The following FCHSD2 variants were observed in gnomAD, a reference collection of about 807,000 sequenced individuals.
FCHSD2 encodes the protein F-BAR and double SH3 domains protein 2.
FCHSD2 carries 38 observed loss-of-function variants against 108.1 expected under a neutral mutation model. The ratio of observed to expected loss-of-function variants is 0.35; its 90% CI spans 0.27 to 0.46. FCHSD2 has a LOEUF of 0.46. FCHSD2 is among the 20% of genes least tolerant of loss of function. The pLI is 1.00. For missense variants in FCHSD2, 751 were observed against 897.8 expected, an observed-to-expected ratio of 0.84 and a Z score of 2.09; for synonymous variants, 279 against 314.7, an observed-to-expected ratio of 0.89 and a Z score of 1.20.
chr11:72,930,198 C>T (rs1032584206), intron 8 of FCHSD2, among the ~76,000 whole-genome samples: 3 of 152,092 alleles, frequency 2.0e-5, no homozygotes, highest in Admixed American at 6.6e-5. Flanking sequence ...TCTGCAAGCC[C>T]GCTGCTGAAA....
At chr11:73,006,057 G>C (rs200915587) in intron 4 of FCHSD2, among the ~76,000 whole-genome samples, 1 of 151,912 alleles carries the variant, frequency 6.6e-6, no homozygotes, top group East Asian at 1.9e-4. Context: ...ACAGGCATGA[G>C]CCACTGCATG....
intron 8 of FCHSD2, among the ~76,000 whole-genome samples, chr11:72,923,680 G>A (rs1026607615): frequency 3.9e-5 from 6 of 152,078 alleles, no homozygotes; most frequent in Non-Finnish European, 7.4e-5. Flanking sequence ...GGTGGGTCAC[G>A]CCTGTAATCC....
At chr11:72,940,594 C>G (rs1218298328) in intron 8 of FCHSD2, 1 of 1,429,290 alleles carries the variant, frequency 7.0e-7, no homozygotes, top group East Asian at 2.3e-5. Flanking sequence ...GTACTGCCAG[C>G]TCTCTGCTCT....
intron 3 of FCHSD2, among the ~76,000 whole-genome samples, chr11:73,078,621 TA>T (rs2135508601): frequency 6.7e-6 from 1 of 148,500 alleles, no homozygotes; most frequent in South Asian, 2.2e-4. Flanking sequence ...AATCCAAAAA[TA>T]ACAACTATTC....
At chr11:72,872,286 CTTTT>C (rs59486746) in intron 12 of FCHSD2, among the ~76,000 whole-genome samples, 50 of 132,176 alleles carry the variant, frequency 3.8e-4, no homozygotes, top group Admixed American at 6.1e-4. Flanking sequence ...TTTTTCTTTT[CTTTT>C]TTTTTTTTTT....
At chr11:72,918,100 C>G (rs997041061) in intron 9 of FCHSD2, among the ~76,000 whole-genome samples, 48 of 152,246 alleles carry the variant, frequency 3.2e-4, no homozygotes, top group East Asian at 1.9e-4. Flanking sequence ...TTTCAGTGTA[C>G]AGGCCTTTAA....
At position 72,869,902 on chromosome 11, in the gene FCHSD2, CCTGA is replaced by C. The variant is rs775429161; in HGVS notation, c.1147-1880_1147-1877del. Among the ~76,000 whole-genome samples the C allele has an allele frequency of 9.1e-4, 139 of 152,232 alleles. 1 individual carries two copies. The highest frequency in any genetic ancestry group is 1.4e-3 in the Non-Finnish European group (92 of 68,020). ...CCCCAGTTTAAAAACTTTCATAACT[CCTGA>C]CTGTCTACTGAGTAAAGAATTAACT... On this transcript the variant is annotated intron_variant, in intron 12 of 19. Coordinates refer to ENST00000409418, the MANE Select transcript of FCHSD2 (RefSeq NM_014824.3).
intron 10 of FCHSD2, among the ~76,000 whole-genome samples, chr11:72,897,748 A>G (rs1855452239): frequency 6.6e-6 from 1 of 152,116 alleles, no homozygotes; most frequent in African/African-American, 2.4e-5. Flanking sequence ...CAGCTGAATG[A>G]CTCTAACATT....
intron 5 of FCHSD2, among the ~76,000 whole-genome samples, chr11:72,990,096 G>A (rs1857383353): frequency 6.6e-6 from 1 of 152,118 alleles, no homozygotes; most frequent in Admixed American, 6.6e-5. Flanking sequence ...ATTCTGCATG[G>A]ACAGATAAAA....
At chr11:72,956,916 C>T (rs1247556688) in intron 8 of FCHSD2, among the ~76,000 whole-genome samples, 1 of 151,946 alleles carries the variant, frequency 6.6e-6, no homozygotes, top group African/African-American at 2.4e-5. Flanking sequence ...ACATCATGCA[C>T]TTCTTCATGT....
At chr11:72,979,020 G>A (rs1359330807) in intron 8 of FCHSD2, among the ~76,000 whole-genome samples, 1 of 151,898 alleles carries the variant, frequency 6.6e-6, no homozygotes, top group South Asian at 2.1e-4. Flanking sequence ...TCCACACACA[G>A]CTAATTTTTT....
intron 2 of FCHSD2, among the ~76,000 whole-genome samples, chr11:73,090,019 T>C (rs1859915361): frequency 6.6e-6 from 1 of 151,904 alleles, no homozygotes; most frequent in African/African-American, 2.4e-5. Flanking sequence ...AAGTTAGTAA[T>C]CAGGAATATA....
intron 2 of FCHSD2, among the ~76,000 whole-genome samples, chr11:73,128,944 T>C (rs1464711479): frequency 1.3e-5 from 2 of 152,202 alleles, no homozygotes; most frequent in Non-Finnish European, 2.9e-5. Context: ...TGATCTCAGC[T>C]CACTGCAACC....
chr11:72,979,179 T>C (rs1857167290), intron 8 of FCHSD2, among the ~76,000 whole-genome samples: 1 of 152,026 alleles, frequency 6.6e-6, no homozygotes, highest in Admixed American at 6.6e-5. Flanking sequence ...TTTAAAGCAG[T>C]GTGAAAACGA....
At chr11:72,864,527 T>C (rs1402469710) in intron 13 of FCHSD2, among the ~76,000 whole-genome samples, 1 of 152,160 alleles carries the variant, frequency 6.6e-6, no homozygotes, top group South Asian at 2.1e-4. Flanking sequence ...GCCTGGGCGA[T>C]AGAGGGAGAC....
intron 2 of FCHSD2, among the ~76,000 whole-genome samples, chr11:73,139,018 T>C (rs1258855020): frequency 6.6e-6 from 1 of 152,358 alleles, no homozygotes; most frequent in African/African-American, 2.4e-5. Flanking sequence ...AATCTTGATA[T>C]ATCCAGGTTG....
chr11:72,965,151 T>G (rs190328057), intron 8 of FCHSD2, among the ~76,000 whole-genome samples: 301 of 152,278 alleles, frequency 2.0e-3, no homozygotes, highest in Non-Finnish European at 1.6e-3. Context: ...GAACAATTCT[T>G]AACAGTGGAT....
intron 8 of FCHSD2, among the ~76,000 whole-genome samples, chr11:72,976,329 T>G (rs1857103573): frequency 6.6e-6 from 1 of 152,222 alleles, no homozygotes; most frequent in Non-Finnish European, 1.5e-5. Flanking sequence ...TCTCACTTTG[T>G]CACCCAGGCT....
chr11:72,845,343 T>TCAGGGAGGCAGAGGTTG (rs752841485), intron 14 of FCHSD2, among the ~76,000 whole-genome samples: 23 of 146,778 alleles, frequency 1.6e-4, no homozygotes, highest in African/African-American at 5.6e-4. Flanking sequence ...ATCACTTGAA[T>TCAGGGAGGCAGAGGTTG]CAGGGAGGCA....
Sources: allele counts gnomAD v4.1 joint callset (sites outside exome capture counted in the v4.1 genomes callset), GRCh38; gene constraint gnomAD v4.1.1; transcripts MANE v1.5; gene names NCBI Gene and HGNC (gene_info 2026-07-23, HGNC 2026-07-21).